PCDH11X: variants seen among roughly 807,000 people sequenced by gnomAD.
The protein encoded by PCDH11X is protocadherin-11 X-linked.
Under a neutral mutation model 53.3 loss-of-function variants are expected in PCDH11X, and 18 were observed. The ratio of observed to expected loss-of-function variants is 0.34; its 90% confidence interval spans 0.23 to 0.50. PCDH11X has a LOEUF of 0.50. Among genes scored for constraint, PCDH11X ranks in the 20% least tolerant of loss-of-function variants. The pLI, the probability that PCDH11X is intolerant of heterozygous loss-of-function variation, is 0.98. For synonymous variants in PCDH11X, 279 were observed against 393.3 expected (o/e 0.71, Z 3.44); for missense variants, 570 against 1,032.4 (o/e 0.55, Z 6.14).
chrX:92,385,969 A>G (rs929217781), intron 8 of PCDH11X, among the ~76,000 whole-genome samples: 2 of 111,659 alleles, frequency 1.8e-5, no homozygotes, highest in African/African-American at 6.5e-5. Flanking sequence ...AACACCACCC[A>G]CTACTCCCTC....
intron 10 of PCDH11X, among the ~76,000 whole-genome samples, chrX:92,525,917 A>G (rs1029246952): frequency 4.5e-5 from 5 of 111,190 alleles, no homozygotes; most frequent in African/African-American, 1.6e-4. Context: ...TTAAACACGG[A>G]GTGCTACCGG....
rs1237336804 is a variant in PCDH11X at position 92,618,770 on chromosome X, G to A, written c.3874G>A (p.Val1292Ile). 7 of 1,210,419 alleles carry A rather than the reference G, an allele frequency of 5.8e-6. No individual in the cohort carries two copies. In the East Asian group the frequency reaches 8.9e-5, roughly 15 times the overall value. The change falls in exon 11 of 11, where the codon GTT becomes ATT. Residue 1292 changes from valine to isoleucine, a missense_variant. Transcript: ENST00000682573. Reference sequence around the variant, plus strand: ...GCAAGGTGCTGATGGGCTATGCTCTGTTGATCAGGGAGTGCAAGGTAGTGC... The same window carrying A: ...GCAAGGTGCTGATGGGCTATGCTCTATTGATCAGGGAGTGCAAGGTAGTGC... The part of the protein sequence containing the change: ...WVQGADGLCS[V>I]DQGVQGSATS...
intron 6 of PCDH11X, among the ~76,000 whole-genome samples, chrX:91,880,925 A>G (rs1392387271): frequency 9.1e-6 from 1 of 109,892 alleles, no homozygotes; most frequent in African/African-American, 3.3e-5. Context: ...TTTTATGACT[A>G]ACACTACATG....
intron 6 of PCDH11X, among the ~76,000 whole-genome samples, chrX:91,959,843 A>AT (rs1422772363): frequency 3.7e-5 from 4 of 107,878 alleles, no homozygotes; most frequent in Non-Finnish European, 7.7e-5. Flanking sequence ...TAGTAGTTCT[A>AT]TTTTTTAATT....
chrX:92,238,947 G>GT (rs759253348), intron 7 of PCDH11X, among the ~76,000 whole-genome samples: 43 of 109,188 alleles, frequency 3.9e-4, no homozygotes, highest in Middle Eastern at 4.9e-3. Context: ...TATTTTTCAT[G>GT]TTTTTTTTTC....
intron 10 of PCDH11X, among the ~76,000 whole-genome samples, chrX:92,530,695 G>A (rs2074538034): frequency 8.9e-6 from 1 of 112,267 alleles, no homozygotes; most frequent in Non-Finnish European, 1.9e-5. Context: ...TATTTGAATC[G>A]ATTGTTTTTA....
intron 6 of PCDH11X, among the ~76,000 whole-genome samples, chrX:92,142,505 C>G (rs1352099888): frequency 9.0e-6 from 1 of 110,733 alleles, no homozygotes; most frequent in East Asian, 2.9e-4. Context: ...CAGGCATGAG[C>G]CACTGTGCCC....
In PCDH11X at chrX:92,183,728, C is replaced by T. The variant is rs780467980; in HGVS notation, c.3034-17647C>T. On this transcript the variant is annotated intron_variant, in intron 6 of 10. Coordinates refer to ENST00000682573, the MANE Select transcript of PCDH11X (RefSeq NM_032968.5). The stretch of plus-strand genomic sequence containing the variant: ...TTCCTTGATCATTCTGTTCCTGCCA[C>T]GCTGGCTTCCTCGTTATTCAGCAGA... Among the ~76,000 whole-genome samples the T allele has an allele frequency of 6.2e-5, 7 of 112,336 alleles. No homozygotes were observed. In the South Asian group the frequency reaches 1.5e-3, roughly 24 times the overall value.
intron 10 of PCDH11X, among the ~76,000 whole-genome samples, chrX:92,537,872 T>C (rs2148733731): frequency 9.1e-6 from 1 of 110,275 alleles, no homozygotes; most frequent in Non-Finnish European, 1.9e-5. Context: ...ACTAAATTTG[T>C]TCATCAGTTT....
rs753613757 is a variant in PCDH11X, at chrX:92,168,544, A to C, written c.3034-32831A>C. 3.0e-4 allele frequency among the ~76,000 whole-genome samples: 33 copies of C among 110,366 alleles called. 1 individual carries two copies. Among genetic ancestry groups the C allele is most frequent in the African/African-American group, 1.0e-3 (31 of 30,452 alleles). On this transcript the variant is annotated intron_variant, in intron 6 of 10. Transcript: ENST00000682573. The stretch of plus-strand genomic sequence containing the variant: ...GTGAAACTCTGCCTCAAAAAAAAAA[A>C]CCCAAAACAAACAAACAAAACACGA...
intron 8 of PCDH11X, among the ~76,000 whole-genome samples, chrX:92,335,182 A>C (rs1202110528): frequency 2.1e-5 from 2 of 94,008 alleles, no homozygotes; most frequent in Admixed American, 2.5e-4. Flanking sequence ...GCATGGAACC[A>C]CCTTGAATCT....
intron 6 of PCDH11X, among the ~76,000 whole-genome samples, chrX:92,143,823 G>T (rs1407892407): frequency 3.0e-4 from 34 of 111,485 alleles, no homozygotes; most frequent in African/African-American, 1.0e-3. Context: ...CTTGCACCCT[G>T]CGCCTGGAAA....
intron 10 of PCDH11X, among the ~76,000 whole-genome samples, chrX:92,523,852 A>G (rs2074405068): frequency 9.0e-6 from 1 of 110,552 alleles, no homozygotes; most frequent in African/African-American, 3.3e-5. Context: ...TCTTCTTTTT[A>G]TTATCCTTCA....
intron 8 of PCDH11X, among the ~76,000 whole-genome samples, chrX:92,270,662 C>T (rs1413682771): frequency 9.0e-6 from 1 of 111,466 alleles, no homozygotes; most frequent in Non-Finnish European, 1.9e-5. Flanking sequence ...GATACGGTCT[C>T]ATTATGGAAT....
At chrX:91,864,009 G>A (rs1194371757) in intron 5 of PCDH11X, among the ~76,000 whole-genome samples, 1 of 111,581 alleles carries the variant, frequency 9.0e-6, no homozygotes, top group African/African-American at 3.3e-5. Context: ...TTTCTACTTA[G>A]GATAAGAGTA....
At chrX:92,182,044 G>A (rs1357784184) in intron 6 of PCDH11X, among the ~76,000 whole-genome samples, 1 of 111,914 alleles carries the variant, frequency 8.9e-6, no homozygotes, top group Non-Finnish European at 1.9e-5. Flanking sequence ...GAAAAGCCAC[G>A]GGCACTCAAT....
chrX:91,813,075 G>A (rs1165777382), intron 4 of PCDH11X, among the ~76,000 whole-genome samples: 20 of 111,095 alleles, frequency 1.8e-4, no homozygotes, highest in Non-Finnish European at 3.4e-4. Flanking sequence ...TAACATTCAG[G>A]TAGTAAAGCC....
At chrX:92,380,348 C>G (rs2070847429) in intron 8 of PCDH11X, among the ~76,000 whole-genome samples, 1 of 111,632 alleles carries the variant, frequency 9.0e-6, no homozygotes, top group Non-Finnish European at 1.9e-5. Flanking sequence ...GGCATGGGAT[C>G]CGGGCTGGTA....
At chrX:91,921,449 C>T (rs1478304264) in intron 6 of PCDH11X, among the ~76,000 whole-genome samples, 1 of 107,937 alleles carries the variant, frequency 9.3e-6, no homozygotes, top group Non-Finnish European at 1.9e-5. Flanking sequence ...ATCCTCCATT[C>T]TCTGCTTGTT....
Sources: gnomAD v4.1 joint callset for allele counts (sites outside exome capture counted in the v4.1 genomes callset) on GRCh38, gnomAD v4.1.1 for gene constraint, MANE v1.5 for transcripts, NCBI Gene and HGNC (gene_info 2026-07-23, HGNC 2026-07-21) for gene names.